The following OTUD4 variants were observed in gnomAD, a reference collection of about 807,000 sequenced individuals.
The protein encoded by OTUD4 is OTU domain-containing protein 4.
OTUD4 carries 24 observed loss-of-function variants against 130.4 expected under a neutral mutation model. The observed-to-expected ratio is 0.18, with a 90% CI of 0.13 to 0.26. OTUD4 has a LOEUF of 0.26. OTUD4 is among the 10% of genes least tolerant of loss of function. The probability of loss-of-function intolerance (pLI) is 1.00; values close to 1 mark genes in which losing one functional copy is unlikely to be tolerated. For synonymous variants in OTUD4, 420 were observed against 472.5 expected (o/e 0.89, Z 1.44); for missense variants, 1,031 against 1,329.4 (o/e 0.78, Z 3.49).
At chr4:145,140,553 T>A (rs1196837255) in intron 19 of OTUD4, among the ~76,000 whole-genome samples, 1 of 152,006 alleles carries the variant, frequency 6.6e-6, no homozygotes, top group Non-Finnish European at 1.5e-5. Flanking sequence ...TTTTGGAAAC[T>A]AAAAAGGAGG....
At position 145,150,539 on chromosome 4, in the gene OTUD4, A is replaced by C. The variant is rs1427699053; in HGVS notation, c.1233T>G (p.Leu411=). ...SQKFSSEHKN[L]SRTPSQIIRK... ...TTATGATCTGTGAAGGTGTCCGGCT[A>C]AGATTTTTGTGCTCACTGGAGAATT... Residue 411 remains leucine (L), a synonymous_variant, in exon 13 of 21, where the codon CTT becomes CTG. Transcript: ENST00000447906. The C allele has an allele frequency of 6.2e-7, 1 of 1,608,898 alleles. No homozygotes were observed. The highest frequency in any genetic ancestry group is 8.5e-7 in the Non-Finnish European group (1 of 1,175,706).
chr4:145,175,872 T>C (rs570524840), intron 1 of OTUD4, among the ~76,000 whole-genome samples: 3 of 151,730 alleles, frequency 2.0e-5, no homozygotes, highest in African/African-American at 4.8e-5. Context: ...TATCCAATGC[T>C]TCCTTCTAGC....
chr4:145,152,713 C>T (rs1003725736), intron 10 of OTUD4, 78 bp from the exon 11 acceptor site: 15 of 786,420 alleles, frequency 1.9e-5, no homozygotes, highest in African/African-American at 7.2e-5. Context: ...CAGTTTTTTG[C>T]GGTTCTTTTT....
intron 19 of OTUD4, 35 bp downstream of exon 19, chr4:145,141,344 G>A: frequency 3.2e-6 from 5 of 1,539,196 alleles, no homozygotes; most frequent in Non-Finnish European, 4.4e-6. Context: ...ATTTGGACTT[G>A]ATAAAGTCGA....
intron 13 of OTUD4, chr4:145,149,686 C>T (rs1455271132): frequency 6.6e-6 from 1 of 151,954 alleles, no homozygotes; most frequent in Non-Finnish European, 1.5e-5. Context: ...AGTGCATTCA[C>T]AAAAAAAGGA....
Position 145,138,086 on chromosome 4 carries a change from G to C in OTUD4, c.2689C>G (p.Leu897Val). The change falls in exon 21 of 21, where the codon CTG becomes GTG. Residue 897 changes from leucine to valine, a missense_variant. This residue lies in a region of OTUD4 where 900 missense variants were observed against 1,095.9 expected (regional missense o/e 0.82). Transcript: ENST00000447906. ...GAACCACAATCTTTAGACAGATCCA[G>C]ATTTTCCAGAGACAGATCCAATTCT... ...KGELDLSLENLDLSKDCGSVS... is the reference protein window; with the variant it reads ...KGELDLSLENVDLSKDCGSVS... The C allele has an allele frequency of 6.2e-7, 1 of 1,614,096 alleles. No individual in the cohort carries two copies. The highest frequency in any genetic ancestry group is 8.5e-7 in the Non-Finnish European group (1 of 1,179,970).
chr4:145,159,066 T>TA (rs1751430502), intron 7 of OTUD4: 2 of 801,382 alleles, frequency 2.5e-6, no homozygotes, highest in Non-Finnish European at 3.1e-6. Context: ...TTCACATACT[T>TA]ATAACCCCAA....
intron 2 of OTUD4, 64 bp downstream of exon 2, chr4:145,174,592 GAACAC>G (rs751960450): frequency 4.7e-6 from 4 of 842,610 alleles, no homozygotes; most frequent in Non-Finnish European, 8.3e-6. Context: ...AATTCTACTA[GAACAC>G]TTCTAAAAGC....
At chr4:145,166,059 G>T (rs1579281028) in intron 3 of OTUD4, among the ~76,000 whole-genome samples, 2 of 152,018 alleles carry the variant, frequency 1.3e-5, no homozygotes, top group Non-Finnish European at 2.9e-5. Context: ...TACTCAAGAG[G>T]CTGAGGCAGG....
Position 145,180,404 on chromosome 4 carries a change from C to T in OTUD4, c.-431G>A, listed in dbSNP as rs1473386671. On this transcript the variant is annotated 5_prime_UTR_variant, in exon 1 of 21. Coordinates refer to ENST00000447906, the MANE Select transcript of OTUD4 (RefSeq NM_001366057.1). ...TGGGCCGGCTCAGGTGAAGCGGGGCCTGCGCCCCCGCGCACTCCCCACGCC... is the reference window on the plus strand; with the variant it reads ...TGGGCCGGCTCAGGTGAAGCGGGGCTTGCGCCCCCGCGCACTCCCCACGCC... Among the ~76,000 whole-genome samples the T allele has an allele frequency of 3.3e-5, 5 of 152,200 alleles. No individual in the cohort carries two copies. Among genetic ancestry groups the T allele is most frequent in the Non-Finnish European group, 7.4e-5 (5 of 68,022 alleles).
chr4:145,143,924 A>T, intron 16 of OTUD4, 22 bp downstream of exon 16: 4 of 1,575,996 alleles, frequency 2.5e-6, no homozygotes, highest in Non-Finnish European at 3.5e-6. Context: ...GAAAAGATGC[A>T]AGTAGTGTTT....
Position 145,146,333 on chromosome 4 carries a change from A to G in OTUD4, c.1356T>C (p.Ala452=), listed in dbSNP as rs1237253342. 2.5e-6 allele frequency: 4 copies of G among 1,598,010 alleles called. No homozygotes were observed. Among genetic ancestry groups the G allele is most frequent in the East Asian group, 2.3e-5 (1 of 43,684 alleles). ...LSPEERREKQ[A]IEESRLLYEI... Reference sequence around the variant, plus strand: ...CATAGAGTAAACGGGATTCTTCTATAGCTTGCTTCTCTCTGCGCTCTTCTG... The same window carrying G: ...CATAGAGTAAACGGGATTCTTCTATGGCTTGCTTCTCTCTGCGCTCTTCTG... The change falls in exon 14 of 21, where the codon GCT becomes GCC. Residue 452 remains alanine (A), a synonymous_variant. Coordinates refer to ENST00000447906, the MANE Select transcript of OTUD4 (RefSeq NM_001366057.1).
chr4:145,142,869 C>CTA (rs1160392384), intron 17 of OTUD4, among the ~76,000 whole-genome samples: 1 of 152,192 alleles, frequency 6.6e-6, no homozygotes, highest in African/African-American at 2.4e-5. Context: ...TAGTCAAGAA[C>CTA]TAAAATGTCT....
chr4:145,149,242 C>T (rs1237517770), intron 13 of OTUD4, among the ~76,000 whole-genome samples: 2 of 152,086 alleles, frequency 1.3e-5, no homozygotes, highest in African/African-American at 2.4e-5. Flanking sequence ...GATGCACCTA[C>T]AAGCCAAGGA....
rs755956069 is a variant in OTUD4 at position 145,155,661 on chromosome 4, G to C, written c.716C>G (p.Thr239Ser). 3 of 1,608,880 alleles carry C rather than the reference G, an allele frequency of 1.9e-6. No individual in the cohort carries two copies. The highest frequency in any genetic ancestry group is 2.5e-6 in the Non-Finnish European group (3 of 1,177,432). The change falls in exon 9 of 21, where the codon ACT (threonine) becomes AGT (serine). Residue 239 changes from threonine (T) to serine (S), a missense_variant. By Grantham distance (58) the Thr-to-Ser change is moderately conservative. This residue lies in a region of OTUD4 where 900 missense variants were observed against 1,095.9 expected (regional missense o/e 0.82). Coordinates refer to ENST00000447906, the MANE Select transcript of OTUD4 (RefSeq NM_001366057.1). Reference sequence around the variant, plus strand: ...AACCTTTCTAGACAAAGGCAGGCTAGTAGAGTTCCCATTGTTCTTCAGCTG... The same window carrying C: ...AACCTTTCTAGACAAAGGCAGGCTACTAGAGTTCCCATTGTTCTTCAGCTG... ...NEQLKNNGNS[T>S]SLPLSRKVLK...
In OTUD4 at chr4:145,134,988, A is replaced by G. The variant is rs1263840218; in HGVS notation, c.*2442T>C. On this transcript the variant is annotated 3_prime_UTR_variant, in exon 21 of 21. Transcript: ENST00000447906. ...AAATATGTCAACATAACAGTATGAC[A>G]TAACAGTTAAAATGAAGGACAAAAG... 1.0e-5 allele frequency: 4 copies of G among 397,286 alleles called. No individual in the cohort carries two copies. Among genetic ancestry groups the G allele is most frequent in the African/African-American group, 2.1e-5 (1 of 48,562 alleles). 24.6% of individuals were successfully genotyped at this position (397,286 alleles called of 1,614,324 possible).
At chr4:145,140,027 A>G in intron 19 of OTUD4, 36 bp from the exon 20 acceptor site, 1 of 636,996 alleles carries the variant, frequency 1.6e-6, no homozygotes, top group South Asian at 1.8e-5. Context: ...AAAATTATAT[A>G]TCTGCAGAGA....
chr4:145,152,528 G>A lies in OTUD4; in HGVS notation c.968+13C>T, dbSNP rs375689292. 5.6e-6 allele frequency: 8 copies of A among 1,434,876 alleles called. No homozygotes were observed. The highest frequency in any genetic ancestry group is 7.8e-6 in the Non-Finnish European group (8 of 1,022,948). The allele number at this position is 1,434,876 out of a possible 1,614,324, so 88.9% of individuals were successfully genotyped here. On this transcript the variant is annotated intron_variant, in intron 11 of 20. Coordinates refer to ENST00000447906, the MANE Select transcript of OTUD4 (RefSeq NM_001366057.1). ...GGAGGCAGTAAATGCCTTAGCTGAA[G>A]AGTAGTACATACTTCTTTCCCAGTT...
chr4:145,143,513 C>G (rs1750683943), intron 16 of OTUD4, 68 bp from the exon 17 acceptor site: 1 of 885,800 alleles, frequency 1.1e-6, no homozygotes, highest in Non-Finnish European at 1.8e-6. Flanking sequence ...TTGATGGTTT[C>G]CTTTTATAAT....
Sources: allele counts gnomAD v4.1 joint callset (sites outside exome capture counted in the v4.1 genomes callset), GRCh38; gene constraint gnomAD v4.1.1; regional missense constraint gnomAD v4.1.1; transcripts MANE v1.5; gene names NCBI Gene and HGNC (gene_info 2026-07-23, HGNC 2026-07-21).